Variants in GPD1L observed in about 807,000 individuals in gnomAD.
GPD1L encodes the protein glycerol-3-phosphate dehydrogenase 1 like.
Under a neutral mutation model 32.9 loss-of-function variants are expected in GPD1L, and 17 were observed. That is an observed-to-expected ratio of 0.52 (90% CI 0.35 to 0.78). GPD1L has a LOEUF of 0.78. GPD1L is among the 30% of genes least tolerant of loss of function. The pLI, the probability that GPD1L is intolerant of heterozygous loss-of-function variation, is 0.01. For synonymous variants in GPD1L, 187 were observed against 165.9 expected (o/e 1.13, Z -0.98); for missense variants, 361 against 447.8 (o/e 0.81, Z 1.75).
intron 7 of GPD1L, among the ~76,000 whole-genome samples, chr3:32,163,751 A>G (rs76821320): frequency 0.019 from 2,944 of 152,280 alleles, 79 homozygotes; most frequent in African/African-American, 0.067. Context: ...TCTCTTCCAC[A>G]CACTTCATAT....
intron 1 of GPD1L, among the ~76,000 whole-genome samples, chr3:32,108,624 A>G (rs1700199576): frequency 6.6e-6 from 1 of 152,232 alleles, no homozygotes; most frequent in Non-Finnish European, 1.5e-5. Flanking sequence ...GAGGAAAACC[A>G]GTGTTATGAA....
At position 32,159,041 on chromosome 3, in the gene GPD1L, G is replaced by C; in HGVS notation, c.784G>C (p.Asp262His). ...CTTCCTAGAGAGCTGCGGGGTGGCCGACCTGATCACCACCTGTTACGGAGG... is the reference window on the plus strand; with the variant it reads ...CTTCCTAGAGAGCTGCGGGGTGGCCCACCTGATCACCACCTGTTACGGAGG... ...ATFLESCGVA[D>H]LITTCYGGRN... Residue 262 changes from aspartate to histidine, a missense_variant, in exon 6 of 8, where the codon GAC becomes CAC. Transcript: ENST00000282541. 1 of 1,613,938 alleles carries C rather than the reference G, an allele frequency of 6.2e-7. No individual in the cohort carries two copies. Among genetic ancestry groups the C allele is most frequent in the Non-Finnish European group, 8.5e-7 (1 of 1,180,036 alleles).
chr3:32,153,242 C>G (rs1700944576), intron 5 of GPD1L, among the ~76,000 whole-genome samples: 2 of 152,174 alleles, frequency 1.3e-5, no homozygotes, highest in African/African-American at 4.8e-5. Flanking sequence ...CGCCCAAAAG[C>G]ACCTTTATGT....
At chr3:32,138,164 C>T (rs551922540) in intron 2 of GPD1L, among the ~76,000 whole-genome samples, 271 of 152,322 alleles carry the variant, frequency 1.8e-3, no homozygotes, top group Non-Finnish European at 2.6e-3. Flanking sequence ...GACAATGCCT[C>T]CCATTGGCTG....
intron 1 of GPD1L, among the ~76,000 whole-genome samples, chr3:32,123,823 T>TAGATAGATAGATAGAC (rs1700462066): frequency 6.8e-6 from 1 of 147,138 alleles, no homozygotes; most frequent in Non-Finnish European, 1.5e-5. Context: ...GATAGATAGA[T>TAGATAGATAGATAGAC]AGATAGATAG....
At chr3:32,116,652 C>T (rs915139248) in intron 1 of GPD1L, among the ~76,000 whole-genome samples, 2 of 152,138 alleles carry the variant, frequency 1.3e-5, no homozygotes, top group African/African-American at 4.8e-5. Flanking sequence ...TGATTTACTA[C>T]TACCAATTTT....
chr3:32,120,835 C>T (rs1700401918), intron 1 of GPD1L, among the ~76,000 whole-genome samples: 1 of 152,164 alleles, frequency 6.6e-6, no homozygotes, highest in African/African-American at 2.4e-5. Context: ...CATTCCTTGG[C>T]TGAAGTAGTA....
chr3:32,110,562 A>G (rs1700231497), intron 1 of GPD1L, among the ~76,000 whole-genome samples: 2 of 152,260 alleles, frequency 1.3e-5, no homozygotes, highest in South Asian at 4.1e-4. Flanking sequence ...CAGAATATTG[A>G]ATCTAGCTGG....
At chr3:32,109,940 CG>C (rs1307343112) in intron 1 of GPD1L, among the ~76,000 whole-genome samples, 5 of 152,240 alleles carry the variant, frequency 3.3e-5, no homozygotes, top group African/African-American at 1.2e-4. Flanking sequence ...TTTCTTGAGA[CG>C]GAGTCTCGCT....
At chr3:32,139,439 A>C (rs11926402) in intron 3 of GPD1L, among the ~76,000 whole-genome samples, 23,838 of 152,242 alleles carry the variant, frequency 0.16, 2,189 homozygotes, top group African/African-American at 0.25. Flanking sequence ...TGCATATATT[A>C]CTTTATCATA....
intron 7 of GPD1L, among the ~76,000 whole-genome samples, chr3:32,161,801 C>G (rs1396983474): frequency 6.6e-6 from 1 of 152,180 alleles, no homozygotes; most frequent in East Asian, 1.9e-4. Context: ...TGAACAGGCT[C>G]CACCTGTGCT....
chr3:32,112,523 C>A (rs1022855195), intron 1 of GPD1L, among the ~76,000 whole-genome samples: 2 of 152,020 alleles, frequency 1.3e-5, no homozygotes, highest in African/African-American at 4.8e-5. Context: ...TGTAGTCCCA[C>A]CCACTTGGGA....
chr3:32,108,641 C>T (rs540198589), intron 1 of GPD1L, among the ~76,000 whole-genome samples: 1 of 152,372 alleles, frequency 6.6e-6, no homozygotes, highest in Admixed American at 6.5e-5. Flanking sequence ...TGAATTACTT[C>T]TGTCCTTTCT....
chr3:32,146,385 C>CA (rs1177594228), intron 4 of GPD1L, among the ~76,000 whole-genome samples: 1 of 151,698 alleles, frequency 6.6e-6, no homozygotes, highest in Non-Finnish European at 1.5e-5. Context: ...CGTGTCTGGC[C>CA]AAAAAAAACT....
rs6791603 is a variant in GPD1L, at chr3:32,166,975, T to G, written c.*1065T>G. On this transcript the variant is annotated 3_prime_UTR_variant, in exon 8 of 8. Coordinates refer to ENST00000282541, the MANE Select transcript of GPD1L (RefSeq NM_015141.4). ...AAGGGCGGTCCTCGGTGCAGCAGCA[T>G]CAGCTTCACTTGTGGGGGGGTGGGG... The G allele has an allele frequency of 0.43, 64,743 of 148,868 alleles. 14,913 individuals are homozygous for G. Among genetic ancestry groups the G allele is most frequent in the East Asian group, 0.62 (3,062 of 4,910 alleles). 9.2% of individuals were successfully genotyped at this position (148,868 alleles called of 1,614,324 possible). A position where few individuals can be genotyped will look rare whatever the true frequency, so the allele number is the denominator to read the frequency against.
chr3:32,160,521 TGGATGGGTG>T (rs1331643846), intron 7 of GPD1L, among the ~76,000 whole-genome samples: 1 of 51,608 alleles, frequency 1.9e-5, no homozygotes, highest in Non-Finnish European at 3.2e-5. Context: ...GATGGGTGAG[TGGATGGGTG>T]GGATGGGTGA....
At position 32,166,785 on chromosome 3, in the gene GPD1L, G is replaced by A. The variant is rs1013173876; in HGVS notation, c.*875G>A. 1.3e-5 allele frequency: 2 copies of A among 152,460 alleles called. No individual in the cohort carries two copies. The highest frequency in any genetic ancestry group is 3.8e-4 in the East Asian group (2 of 5,200). 9.4% of individuals were successfully genotyped at this position (152,460 alleles called of 1,614,324 possible). A position where few individuals can be genotyped will look rare whatever the true frequency, so the allele number is the denominator to read the frequency against. ...CTAGTGAGCAGGGACAGAGCCAGGA[G>A]TCAAGTGCAGTGCCAAGGTGCATGA... On this transcript the variant is annotated 3_prime_UTR_variant, in exon 8 of 8. Transcript: ENST00000282541.
At chr3:32,118,575 G>A (rs1700363266) in intron 1 of GPD1L, among the ~76,000 whole-genome samples, 1 of 151,960 alleles carries the variant, frequency 6.6e-6, no homozygotes, top group Non-Finnish European at 1.5e-5. Context: ...AAGTGTGTAT[G>A]TTTTTTTAAT....
intron 2 of GPD1L, among the ~76,000 whole-genome samples, chr3:32,137,383 C>T (rs143035063): frequency 6.6e-6 from 1 of 152,330 alleles, no homozygotes; most frequent in East Asian, 1.9e-4. Flanking sequence ...GTTCTGCCAT[C>T]TCGGCATGTG....
Sources: allele counts gnomAD v4.1 joint callset (sites outside exome capture counted in the v4.1 genomes callset), GRCh38; gene constraint gnomAD v4.1.1; transcripts MANE v1.5; gene names NCBI Gene and HGNC (gene_info 2026-07-23, HGNC 2026-07-21).